TCF7L1: variants seen among roughly 807,000 people sequenced by gnomAD.
The protein encoded by TCF7L1 is transcription factor 7 like 1.
A neutral mutation model predicts 63.7 loss-of-function variants in TCF7L1; 18 were observed. The observed-to-expected ratio is 0.28, with a 90% CI of 0.20 to 0.42. The LOEUF (loss-of-function observed/expected upper bound fraction) is 0.42. Among genes scored for constraint, TCF7L1 ranks in the 10% least tolerant of loss-of-function variants. TCF7L1 has a pLI of 1.00. For synonymous variants in TCF7L1, 355 were observed against 340.9 expected, an observed-to-expected ratio of 1.04 and a Z score of -0.46; for missense variants, 654 against 779.3, an observed-to-expected ratio of 0.84 and a Z score of 1.91.
At chr2:85,172,626 A>G (rs1453262469) in intron 3 of TCF7L1, among the ~76,000 whole-genome samples, 1 of 152,046 alleles carries the variant, frequency 6.6e-6, no homozygotes, top group African/African-American at 2.4e-5. Flanking sequence ...GGGTTTCACT[A>G]TGTTGGTCAG....
chr2:85,145,743 G>A (rs1677866084), intron 3 of TCF7L1, among the ~76,000 whole-genome samples: 1 of 152,246 alleles, frequency 6.6e-6, no homozygotes, highest in Admixed American at 6.5e-5. Context: ...AACAGGACTA[G>A]GGTCCAGCTG....
intron 3 of TCF7L1, among the ~76,000 whole-genome samples, chr2:85,258,033 T>C (rs1680762648): frequency 6.6e-6 from 1 of 152,190 alleles, no homozygotes; most frequent in Non-Finnish European, 1.5e-5. Flanking sequence ...TTTCCTCATA[T>C]GTGAAATGGG....
In TCF7L1 at chr2:85,222,872, G is replaced by C. The variant is rs551929653; in HGVS notation, c.442-60623G>C. Among the ~76,000 whole-genome samples the C allele has an allele frequency of 9.9e-4, 151 of 152,044 alleles. 4 individuals are homozygous for C. The highest frequency in any genetic ancestry group is 6.9e-3 in the South Asian group (33 of 4,800). ...ATTTTAAAAAATTTTCTGCTTTCTA[G>C]AGATAACACACAGAAATATTTACCA... On this transcript the variant is annotated intron_variant, in intron 3 of 11. Coordinates refer to ENST00000282111, the MANE Select transcript of TCF7L1 (RefSeq NM_031283.3).
intron 3 of TCF7L1, among the ~76,000 whole-genome samples, chr2:85,242,484 A>C (rs1680357620): frequency 6.6e-6 from 1 of 152,220 alleles, no homozygotes; most frequent in East Asian, 1.9e-4. Flanking sequence ...CCGTTATGAC[A>C]GCATGAATGC....
rs756624550 is a variant in TCF7L1, at chr2:85,309,194, C to G, written c.1499C>G (p.Ala500Gly). Residue 500 changes from alanine to glycine, a missense_variant, in exon 12 of 12, where the codon GCC (alanine) becomes GGC (glycine). Ala to Gly is a moderately conservative substitution (Grantham distance 60). Coordinates refer to ENST00000282111, the MANE Select transcript of TCF7L1 (RefSeq NM_031283.3). The part of the protein sequence containing the change: ...AAPAATHSEQ[A>G]QPLSLTTKPE... ...CCTGCTGCCACCCATTCGGAGCAAG[C>G]CCAGCCCCTCTCCCTCACCACCAAA... 6.2e-7 allele frequency: 1 copy of G among 1,614,090 alleles called. No individual in the cohort carries two copies. The highest frequency in any genetic ancestry group is 8.5e-7 in the Non-Finnish European group (1 of 1,180,012).
At chr2:85,238,682 T>G (rs1418545247) in intron 3 of TCF7L1, among the ~76,000 whole-genome samples, 1 of 152,106 alleles carries the variant, frequency 6.6e-6, no homozygotes, top group Non-Finnish European at 1.5e-5. Context: ...ACCCAGACAG[T>G]AATGATACAC....
rs115788095 is a variant in TCF7L1 at position 85,152,881 on chromosome 2, T to C, written c.441+18431T>C. Among the ~76,000 whole-genome samples the C allele has an allele frequency of 3.6e-3, 548 of 152,334 alleles. 1 individual carries two copies. The highest frequency in any genetic ancestry group is 0.012 in the African/African-American group (509 of 41,582). ...TATATTTTACTCTTTCAACAAAAAA[T>C]AAGCATATATATATTTCTACCAACT... is the stretch of plus-strand genomic sequence containing the variant. On this transcript the variant is annotated intron_variant, in intron 3 of 11. Coordinates refer to ENST00000282111, the MANE Select transcript of TCF7L1 (RefSeq NM_031283.3).
At position 85,310,313 on chromosome 2, in the gene TCF7L1, T is replaced by G. The variant is rs188317970; in HGVS notation, c.*851T>G. 4.1e-4 allele frequency: 63 copies of G among 152,746 alleles called. No individual in the cohort carries two copies. The highest frequency in any genetic ancestry group is 1.4e-3 in the African/African-American group (57 of 41,596). 9.5% of individuals were successfully genotyped at this position (152,746 alleles called of 1,614,324 possible). A position where few individuals can be genotyped will look rare whatever the true frequency, so the allele number is the denominator to read the frequency against. The stretch of plus-strand genomic sequence containing the variant: ...CTGTGTGTATTTCTTTTTGTTTTTA[T>G]GGTTTTTGGAGCAATTTAAACTCCC... On this transcript the variant is annotated 3_prime_UTR_variant, in exon 12 of 12. Coordinates refer to ENST00000282111, the MANE Select transcript of TCF7L1 (RefSeq NM_031283.3).
chr2:85,262,467 T>G (rs908333886), intron 3 of TCF7L1, among the ~76,000 whole-genome samples: 9 of 152,022 alleles, frequency 5.9e-5, no homozygotes, highest in African/African-American at 1.9e-4. Flanking sequence ...TGGATCCCTC[T>G]GGCCTCTGAC....
intron 10 of TCF7L1, among the ~76,000 whole-genome samples, 191 bp from the exon 11 acceptor site, chr2:85,307,451 T>C (rs59653199): frequency 0.16 from 24,217 of 151,982 alleles, 2,662 homozygotes; most frequent in African/African-American, 0.32. Flanking sequence ...AACGCGTTTG[T>C]AGGGGAGGAA....
At chr2:85,216,567 A>G (rs973038939) in intron 3 of TCF7L1, among the ~76,000 whole-genome samples, 1 of 152,166 alleles carries the variant, frequency 6.6e-6, no homozygotes, top group African/African-American at 2.4e-5. Flanking sequence ...GCCCACAAAC[A>G]TGTCCATGCT....
intron 3 of TCF7L1, among the ~76,000 whole-genome samples, chr2:85,149,965 G>A (rs114277178): frequency 6.6e-6 from 1 of 152,148 alleles, no homozygotes; most frequent in Non-Finnish European, 1.5e-5. Context: ...GACAAGATAC[G>A]TTCTAAAAAC....
intron 3 of TCF7L1, among the ~76,000 whole-genome samples, chr2:85,227,928 G>A (rs1302945417): frequency 6.9e-6 from 1 of 144,856 alleles, no homozygotes; most frequent in African/African-American, 2.6e-5. Flanking sequence ...GGAGTTTAAG[G>A]CTACAGGGAA....
chr2:85,236,650 A>T (rs1309822302), intron 3 of TCF7L1, among the ~76,000 whole-genome samples: 1 of 152,136 alleles, frequency 6.6e-6, no homozygotes, highest in Non-Finnish European at 1.5e-5. Context: ...GGGATCAGTT[A>T]TATGTATCTA....
intron 3 of TCF7L1, among the ~76,000 whole-genome samples, chr2:85,216,232 G>A (rs2104295466): frequency 6.6e-6 from 1 of 152,296 alleles, no homozygotes; most frequent in Non-Finnish European, 1.5e-5. Context: ...TGCCTGCCCA[G>A]CCTTTCCTTC....
intron 3 of TCF7L1, among the ~76,000 whole-genome samples, chr2:85,149,346 T>TAC (rs58712600): frequency 0.082 from 12,506 of 151,800 alleles, 575 homozygotes; most frequent in Middle Eastern, 0.11. Flanking sequence ...TATATGTGTA[T>TAC]ACACACACAC....
chr2:85,178,683 A>G (rs945726949), intron 3 of TCF7L1, among the ~76,000 whole-genome samples: 1 of 152,154 alleles, frequency 6.6e-6, no homozygotes, highest in African/African-American at 2.4e-5. Context: ...GCCAGTGTTA[A>G]TTGACCTTTC....
intron 3 of TCF7L1, among the ~76,000 whole-genome samples, chr2:85,142,459 TG>T (rs1677763335): frequency 3.4e-5 from 3 of 86,990 alleles, no homozygotes; most frequent in Non-Finnish European, 7.1e-5. Flanking sequence ...TGTGTGTGTG[TG>T]TGTGTTGTGT....
rs182330983 is a variant in TCF7L1, at chr2:85,310,136, G to A, written c.*674G>A. 2 of 152,692 alleles carry A rather than the reference G, an allele frequency of 1.3e-5. No homozygotes were observed. The highest frequency in any genetic ancestry group is 4.8e-5 in the African/African-American group (2 of 41,576). 9.5% of individuals were successfully genotyped at this position (152,692 alleles called of 1,614,324 possible). A position where few individuals can be genotyped will look rare whatever the true frequency, so the allele number is the denominator to read the frequency against. The stretch of plus-strand genomic sequence containing the variant: ...AGCGAAGAAGTCTGTGTTCCTCCCC[G>A]TCCTTGCCAGTGGCGATCATCCCTT... On this transcript the variant is annotated 3_prime_UTR_variant, in exon 12 of 12. Coordinates refer to ENST00000282111, the MANE Select transcript of TCF7L1 (RefSeq NM_031283.3).
Sources: gnomAD v4.1 joint callset for allele counts (sites outside exome capture counted in the v4.1 genomes callset) on GRCh38, gnomAD v4.1.1 for gene constraint, MANE v1.5 for transcripts, NCBI Gene and HGNC (gene_info 2026-07-23, HGNC 2026-07-21) for gene names.